GALNT17: variants seen among roughly 807,000 people sequenced by gnomAD.
GALNT17 encodes the protein polypeptide N-acetylgalactosaminyltransferase 17.
In GALNT17, 29 loss-of-function variants were observed where a neutral mutation model predicts 63.7. The ratio of observed to expected loss-of-function variants is 0.46; its 90% CI spans 0.34 to 0.62. The LOEUF (loss-of-function observed/expected upper bound fraction) is 0.62. Ranked by LOEUF, GALNT17 falls within the 20% of genes least tolerant of loss-of-function variation. The pLI is 0.01. For synonymous variants in GALNT17, 305 were observed against 318.3 expected (o/e 0.96, Z 0.45); for missense variants, 603 against 799.6 (o/e 0.75, Z 2.97).
chr7:71,258,417 G>A (rs1047509697), intron 1 of GALNT17, among the ~76,000 whole-genome samples: 33 of 152,314 alleles, frequency 2.2e-4, no homozygotes, highest in African/African-American at 7.9e-4. Context: ...CTTTCGTGAA[G>A]CCTTGATAAT....
At chr7:71,539,652 T>C (rs1788854817) in intron 5 of GALNT17, among the ~76,000 whole-genome samples, 1 of 148,688 alleles carries the variant, frequency 6.7e-6, no homozygotes, top group Admixed American at 6.7e-5. Flanking sequence ...TTTTTTTCAC[T>C]AAATGCATCA....
intron 3 of GALNT17, among the ~76,000 whole-genome samples, chr7:71,412,240 G>A (rs1227208969): frequency 2.0e-5 from 3 of 152,154 alleles, no homozygotes; most frequent in African/African-American, 7.2e-5. Context: ...GGGAGGTCGA[G>A]GCTGCAGTGA....
chr7:71,259,595 C>A (rs1790345701), intron 1 of GALNT17, among the ~76,000 whole-genome samples: 1 of 150,802 alleles, frequency 6.6e-6, no homozygotes, highest in South Asian at 2.1e-4. Flanking sequence ...GAAGTACACA[C>A]AGAAGATGGA....
chr7:71,587,945 G>A lies in GALNT17; in HGVS notation c.1080+16543G>A, dbSNP rs560575748. ...CTTTGCAGAACATCCTTGCTTTCTG[G>A]CACAAGAAGAAGTTCCTGTCCTGTC... is the stretch of plus-strand genomic sequence containing the variant. On this transcript the variant is annotated intron_variant, in intron 6 of 10. Coordinates refer to ENST00000333538, the MANE Select transcript of GALNT17 (RefSeq NM_022479.3). Among the ~76,000 whole-genome samples the A allele has an allele frequency of 5.3e-5, 8 of 152,254 alleles. No homozygotes were observed. In the East Asian group the frequency reaches 1.5e-3, roughly 29 times the overall value.
intron 6 of GALNT17, among the ~76,000 whole-genome samples, chr7:71,659,768 A>G (rs1256727285): frequency 1.3e-5 from 2 of 152,194 alleles, no homozygotes; most frequent in Non-Finnish European, 1.5e-5. Flanking sequence ...CCATCTTTGA[A>G]TACAGTCCAG....
chr7:71,355,743 G>A (rs1381278216), intron 2 of GALNT17, among the ~76,000 whole-genome samples: 2 of 152,186 alleles, frequency 1.3e-5, no homozygotes, highest in South Asian at 2.1e-4. Context: ...ATGTTGGCTA[G>A]GCTGGTCTTC....
chr7:71,633,860 C>A (rs2116994337), intron 6 of GALNT17, among the ~76,000 whole-genome samples: 1 of 152,322 alleles, frequency 6.6e-6, no homozygotes, highest in Admixed American at 6.5e-5. Context: ...AGTTTGAAGT[C>A]ATGTGCTCAG....
At chr7:71,492,773 T>A (rs894503108) in intron 5 of GALNT17, among the ~76,000 whole-genome samples, 3 of 152,256 alleles carry the variant, frequency 2.0e-5, no homozygotes, top group African/African-American at 7.2e-5. Flanking sequence ...GACGTATCGC[T>A]GTTCTCCATC....
At chr7:71,520,406 C>T (rs1441155521) in intron 5 of GALNT17, among the ~76,000 whole-genome samples, 1 of 151,964 alleles carries the variant, frequency 6.6e-6, no homozygotes, top group Non-Finnish European at 1.5e-5. Context: ...ACCTGTAATC[C>T]CAGCTACTCA....
At chr7:71,660,786 T>C (rs1044242133) in intron 6 of GALNT17, among the ~76,000 whole-genome samples, 1 of 152,202 alleles carries the variant, frequency 6.6e-6, no homozygotes, top group South Asian at 2.1e-4. Flanking sequence ...TGCATTTCTT[T>C]CCATCTGCTA....
intron 1 of GALNT17, among the ~76,000 whole-genome samples, chr7:71,258,844 C>T (rs1047919405): frequency 1.2e-4 from 19 of 152,158 alleles, no homozygotes; most frequent in African/African-American, 4.1e-4. Flanking sequence ...GATATTTATG[C>T]TGAGTTTTGA....
chr7:71,458,851 T>G (rs1231764881), intron 5 of GALNT17, among the ~76,000 whole-genome samples: 1 of 151,950 alleles, frequency 6.6e-6, no homozygotes, highest in East Asian at 1.9e-4. Flanking sequence ...GTTCGTCTGC[T>G]CCGGGAGCTG....
chr7:71,282,676 C>T (rs1051043649), intron 1 of GALNT17, among the ~76,000 whole-genome samples: 1 of 149,584 alleles, frequency 6.7e-6, no homozygotes, highest in Non-Finnish European at 1.5e-5. Flanking sequence ...GGACTCAGGA[C>T]TGGGGTCCAT....
chr7:71,301,077 C>G (rs1326620321), intron 1 of GALNT17, among the ~76,000 whole-genome samples: 2 of 151,404 alleles, frequency 1.3e-5, no homozygotes. Context: ...CCCTTGAGCC[C>G]TGGAGTTCAA....
At chr7:71,411,925 A>G (rs966350907) in intron 3 of GALNT17, among the ~76,000 whole-genome samples, 2 of 152,208 alleles carry the variant, frequency 1.3e-5, no homozygotes, top group African/African-American at 2.4e-5. Flanking sequence ...TCCTTCTTCC[A>G]GAAACTCTGC....
At chr7:71,523,505 A>G (rs1420158839) in intron 5 of GALNT17, among the ~76,000 whole-genome samples, 18 of 152,126 alleles carry the variant, frequency 1.2e-4, no homozygotes, top group Non-Finnish European at 2.2e-4. Flanking sequence ...CTGAAATCCC[A>G]GCTGTTTGGG....
intron 5 of GALNT17, among the ~76,000 whole-genome samples, chr7:71,513,916 G>C (rs1018546293): frequency 6.6e-5 from 10 of 152,226 alleles, no homozygotes; most frequent in Admixed American, 1.3e-4. Context: ...GGAGAGCTGG[G>C]CATGGTGGCT....
chr7:71,229,832 G>A (rs1789754655), intron 1 of GALNT17, among the ~76,000 whole-genome samples: 1 of 152,206 alleles, frequency 6.6e-6, no homozygotes, highest in Non-Finnish European at 1.5e-5. Context: ...CCCAGGCAGG[G>A]CACATTCTCA....
intron 1 of GALNT17, among the ~76,000 whole-genome samples, chr7:71,258,841 A>C (rs1790332134): frequency 6.6e-6 from 1 of 152,340 alleles, no homozygotes; most frequent in Non-Finnish European, 1.5e-5. Flanking sequence ...GATGATATTT[A>C]TGCTGAGTTT....
Sources: allele counts gnomAD v4.1 joint callset (sites outside exome capture counted in the v4.1 genomes callset), GRCh38; gene constraint gnomAD v4.1.1; transcripts MANE v1.5; gene names NCBI Gene and HGNC (gene_info 2026-07-23, HGNC 2026-07-21).